The following CSMD1 variants were observed in gnomAD, a reference collection of about 807,000 sequenced individuals.
CSMD1 encodes the protein CUB and Sushi multiple domains 1, also known as CUB and sushi domain-containing protein 1.
CSMD1 carries 213 observed loss-of-function variants against 417.5 expected under a neutral mutation model. The observed-to-expected ratio is 0.51, with a 90% CI of 0.46 to 0.57. The LOEUF (loss-of-function observed/expected upper bound fraction) is 0.57. Among genes scored for constraint, CSMD1 ranks in the 20% least tolerant of loss-of-function variants. CSMD1 has a pLI of 0.00. For synonymous variants in CSMD1, 2,862 were observed against 1,736.8 expected (o/e 1.65, Z -16.11); for missense variants, 6,923 against 4,529.7 (o/e 1.53, Z -15.17).
At chr8:4,011,241 C>T (rs1387814379) in intron 4 of CSMD1, among the ~76,000 whole-genome samples, 2 of 152,180 alleles carry the variant, frequency 1.3e-5, no homozygotes, top group Non-Finnish European at 1.5e-5. Context: ...AGTTTTTAAG[C>T]CACGACTTTA....
At chr8:3,427,991 C>A (rs1009148423) in intron 12 of CSMD1, among the ~76,000 whole-genome samples, 2 of 152,148 alleles carry the variant, frequency 1.3e-5, no homozygotes, top group East Asian at 1.9e-4. Flanking sequence ...TGGAATTAAG[C>A]CTTAATTCCA....
At chr8:3,616,850 C>G (rs1251279926) in intron 7 of CSMD1, 53 bp from the exon 8 acceptor site, 2 of 1,289,018 alleles carry the variant, frequency 1.6e-6, no homozygotes, top group East Asian at 2.4e-5. Flanking sequence ...GAGGAAATAC[C>G]CAGATAAAAA....
intron 12 of CSMD1, 84 bp from the exon 13 acceptor site, chr8:3,409,689 G>T: frequency 8.9e-7 from 1 of 1,129,900 alleles, no homozygotes; most frequent in Non-Finnish European, 1.2e-6. Flanking sequence ...GTAAATACGT[G>T]GCTTCTTTTT....
At chr8:3,371,688 C>G (rs942560389) in intron 18 of CSMD1, among the ~76,000 whole-genome samples, 2 of 152,084 alleles carry the variant, frequency 1.3e-5, no homozygotes, top group Non-Finnish European at 2.9e-5. Context: ...TGTGACTAGC[C>G]TCATCGTGCT....
At chr8:4,376,485 T>C (rs544403982) in intron 3 of CSMD1, among the ~76,000 whole-genome samples, 4 of 152,340 alleles carry the variant, frequency 2.6e-5, no homozygotes, top group South Asian at 2.1e-4. Flanking sequence ...AAAACCTCCA[T>C]TTTTATATGA....
chr8:4,222,899 G>C (rs1252601667), intron 3 of CSMD1, among the ~76,000 whole-genome samples: 1 of 152,042 alleles, frequency 6.6e-6, no homozygotes, highest in African/African-American at 2.4e-5. Flanking sequence ...CTATGGGCAA[G>C]TGAAAGTTAT....
chr8:3,096,312 C>A (rs1444065972), intron 47 of CSMD1, among the ~76,000 whole-genome samples: 9 of 152,186 alleles, frequency 5.9e-5, no homozygotes, highest in Admixed American at 5.9e-4. Context: ...CAATTCCCAC[C>A]TATCGTGGGA....
rs76530844 is a variant in CSMD1, at chr8:3,693,599, C to T, written c.1009+14815G>A. 1.1e-3 allele frequency among the ~76,000 whole-genome samples: 174 copies of T among 152,174 alleles called. 1 individual carries two copies. The highest frequency in any genetic ancestry group is 2.3e-3 in the Non-Finnish European group (154 of 68,012). On this transcript the variant is annotated intron_variant, in intron 7 of 69. Coordinates refer to ENST00000635120, the MANE Select transcript of CSMD1 (RefSeq NM_033225.6). ...TGAATAGAACACTAAAATCCCCACCCTTATTCCATGAGAGAGACAATAAAC... is the reference window on the plus strand; with the variant it reads ...TGAATAGAACACTAAAATCCCCACCTTTATTCCATGAGAGAGACAATAAAC...
chr8:4,523,614 G>A (rs1803605437), intron 2 of CSMD1, among the ~76,000 whole-genome samples: 1 of 152,076 alleles, frequency 6.6e-6, no homozygotes, highest in Non-Finnish European at 1.5e-5. Context: ...AAGAAATAAT[G>A]CAAGTCAGAA....
intron 12 of CSMD1, among the ~76,000 whole-genome samples, chr8:3,415,629 C>T (rs1401501989): frequency 1.3e-5 from 2 of 152,226 alleles, no homozygotes; most frequent in African/African-American, 2.4e-5. Context: ...CAACAGGCTG[C>T]GATTACAGGC....
intron 6 of CSMD1, among the ~76,000 whole-genome samples, chr8:3,734,235 G>C (rs938141953): frequency 1.1e-4 from 16 of 152,162 alleles, no homozygotes; most frequent in Admixed American, 2.0e-4. Flanking sequence ...GGGAGCCTTC[G>C]GCTTCCTACT....
chr8:3,925,816 T>G (rs1236664592), intron 5 of CSMD1, among the ~76,000 whole-genome samples: 3 of 152,062 alleles, frequency 2.0e-5, no homozygotes, highest in Admixed American at 6.6e-5. Context: ...TCAGCAGCAT[T>G]AAAACCAACT....
chr8:4,314,960 G>A (rs1229951771), intron 3 of CSMD1, among the ~76,000 whole-genome samples: 1 of 152,136 alleles, frequency 6.6e-6, no homozygotes, highest in Non-Finnish European at 1.5e-5. Flanking sequence ...CTACATGGTG[G>A]GAGGAGGTTT....
chr8:4,246,811 A>G (rs918376474), intron 3 of CSMD1, among the ~76,000 whole-genome samples: 2 of 152,200 alleles, frequency 1.3e-5, no homozygotes, highest in Non-Finnish European at 2.9e-5. Flanking sequence ...AGTATAGGAC[A>G]TTTGACTTGT....
At chr8:4,730,038 T>G (rs1809740559) in intron 1 of CSMD1, among the ~76,000 whole-genome samples, 1 of 152,126 alleles carries the variant, frequency 6.6e-6, no homozygotes, top group East Asian at 1.9e-4. Context: ...CATGTTAATG[T>G]TTTAACTCCT....
At chr8:3,782,226 TG>T (rs1163625184) in intron 5 of CSMD1, among the ~76,000 whole-genome samples, 1 of 152,208 alleles carries the variant, frequency 6.6e-6, no homozygotes, top group Non-Finnish European at 1.5e-5. Flanking sequence ...ACAGAATCTA[TG>T]TCAGTCACCA....
Position 4,761,874 on chromosome 8 carries a change from TCTATCTATCTATCTACCTAC to T in CSMD1, c.86-124336_86-124317del, listed in dbSNP as rs1313643818. ...ATCTATCTATCTATCTATCTATCTATCTATCTATCTATCTACCTACCTATCTATCTATCTATCAATCTATC... is the reference window on the plus strand; with the variant it reads ...ATCTATCTATCTATCTATCTATCTATCTATCTATCTATCTATCAATCTATC... On this transcript the variant is annotated intron_variant, in intron 1 of 69. Coordinates refer to ENST00000635120, the MANE Select transcript of CSMD1 (RefSeq NM_033225.6). Among the ~76,000 whole-genome samples, 8 of 92,260 alleles carry T rather than the reference TCTATCTATCTATCTACCTAC, an allele frequency of 8.7e-5. No homozygotes were observed. In the South Asian group the frequency reaches 1.2e-3, roughly 14 times the overall value. 60.5% of individuals were successfully genotyped at this position (92,260 alleles called of 152,430 possible). A position where few individuals can be genotyped will look rare whatever the true frequency, so the allele number is the denominator to read the frequency against.
chr8:4,496,879 C>CA (rs1344074020), intron 2 of CSMD1, among the ~76,000 whole-genome samples: 1 of 152,096 alleles, frequency 6.6e-6, no homozygotes, highest in African/African-American at 2.4e-5. Context: ...AGATCTTTCC[C>CA]AGGCTTTCCA....
At chr8:4,720,882 G>A (rs975282821) in intron 1 of CSMD1, among the ~76,000 whole-genome samples, 1 of 152,084 alleles carries the variant, frequency 6.6e-6, no homozygotes, top group African/African-American at 2.4e-5. Flanking sequence ...TGCCGTCTCT[G>A]GTACAAACAT....
Sources: gnomAD v4.1 joint callset for allele counts (sites outside exome capture counted in the v4.1 genomes callset) on GRCh38, gnomAD v4.1.1 for gene constraint, MANE v1.5 for transcripts, NCBI Gene and HGNC (gene_info 2026-07-23, HGNC 2026-07-21) for gene names.